APBB3: variants seen among roughly 807,000 people sequenced by gnomAD.
The protein encoded by APBB3 is amyloid-beta A4 precursor protein-binding family B member 3.
APBB3 carries 50 observed loss-of-function variants against 61.5 expected under a neutral mutation model. That is an observed-to-expected ratio of 0.81 (90% confidence interval 0.65 to 1.03). The LOEUF is 1.03. Among genes scored for constraint, APBB3 ranks in the 50% least tolerant of loss-of-function variants. The pLI is 0.00. For missense variants in APBB3, 550 were observed against 637.4 expected (o/e 0.86, Z 1.48); for synonymous variants, 235 against 233.0 (o/e 1.01, Z -0.08).
In APBB3 at chr5:140,560,239, G is replaced by A. The variant is rs566361060; in HGVS notation, c.1224+74C>T. On this transcript the variant is annotated intron_variant, in intron 12 of 12. Coordinates refer to ENST00000357560, the MANE Select transcript of APBB3 (RefSeq NM_133173.3). The surrounding 1 kb of genome is among the most constrained non-coding windows in gnomAD (Gnocchi z 5.1). ...GTTTGTGATCTCTGAAGAGGCTGCC[G>A]ACCCGGAGCCCAAGTAAACAGTGGA... The A allele has an allele frequency of 1.2e-5, 19 of 1,524,064 alleles. No homozygotes were observed. The Middle Eastern group carries it at 1.0e-3, about 84-fold the overall frequency. 94.4% of individuals were successfully genotyped at this position (1,524,064 alleles called of 1,614,324 possible).
In APBB3 at chr5:140,561,671, A is replaced by C. The variant is rs779728971; in HGVS notation, c.663T>G (p.Asp221Glu). The change falls in exon 8 of 13, where the codon GAT becomes GAG. Residue 221 changes from aspartate (D) to glutamate (E), a missense_variant. Around this residue, in one of 3 missense-constraint regions of APBB3, gnomAD observed 405 missense variants for 483.4 expected, o/e 0.84. Coordinates refer to ENST00000357560, the MANE Select transcript of APBB3 (RefSeq NM_133173.3). ...ACACATGGCACTTGAGCATACAGCT[A>C]TCTTTGTCACTTGCCACAAAAGCGA... ...RDFAFVASDK[D>E]SCMLKCHVFC... 1.2e-6 allele frequency: 2 copies of C among 1,614,224 alleles called. No homozygotes were observed. The highest frequency in any genetic ancestry group is 2.2e-5 in the South Asian group (2 of 91,092).
chr5:140,558,729 G>A lies in APBB3; in HGVS notation c.1317C>T (p.Ser439=). 1 of 1,608,378 alleles carries A rather than the reference G, an allele frequency of 6.2e-7. No individual in the cohort carries two copies. Residue 439 remains serine, a synonymous_variant, in exon 13 of 13, where the codon AGC becomes AGT. Coordinates refer to ENST00000357560, the MANE Select transcript of APBB3 (RefSeq NM_133173.3). ...ARARLRLKRT[S]SMDSPGGPLP... ...GGGGACCTCCTGGGGAATCCATGGA[G>A]CTGGTCCGCTTGAGCCGCAGGCGGG...
chr5:140,558,520 G>C lies in APBB3; in HGVS notation c.*65C>G. On this transcript the variant is annotated 3_prime_UTR_variant, in exon 13 of 13. Transcript: ENST00000357560. ...AGGAGTGACAGGCTATAGGCCTTGA[G>C]GAATAAAACGGTACAGAGTTAGGCA... 6.7e-7 allele frequency: 1 copy of C among 1,490,200 alleles called. No homozygotes were observed. 92.3% of individuals were successfully genotyped at this position (1,490,200 alleles called of 1,614,324 possible).
chr5:140,562,771 G>C, intron 3 of APBB3, 48 bp from the exon 4 acceptor site: 1 of 1,594,730 alleles, frequency 6.3e-7, no homozygotes, highest in Non-Finnish European at 8.6e-7. Context: ...CTACAGTAGG[G>C]ACACTGGTGA....
chr5:140,559,960 C>T (rs1360044260), intron 12 of APBB3, among the ~76,000 whole-genome samples: 1 of 152,250 alleles, frequency 6.6e-6, no homozygotes, highest in Non-Finnish European at 1.5e-5. Flanking sequence ...CAAATGCCCA[C>T]AGATGCCAGG....
At position 140,563,870 on chromosome 5, in the gene APBB3, G is replaced by A. The variant is rs772479006; in HGVS notation, c.95C>T (p.Pro32Leu). The change falls in exon 2 of 13, where the codon CCT becomes CTT. Residue 32 changes from proline (P) to leucine (L), a missense_variant. Physicochemically the swap from Pro to Leu is moderately conservative, Grantham distance 98. Coordinates refer to ENST00000357560, the MANE Select transcript of APBB3 (RefSeq NM_133173.3). Reference sequence around the variant, plus strand: ...ATCGTGGATCTTCCTCCAGCCAGGAGGCAGGCCAGCCTCCACCTCCAGACT... The same window carrying A: ...ATCGTGGATCTTCCTCCAGCCAGGAAGCAGGCCAGCCTCCACCTCCAGACT... ...DHSLEVEAGL[P>L]PGWRKIHDAA... 1.2e-6 allele frequency: 2 copies of A among 1,614,156 alleles called. No homozygotes were observed. The highest frequency in any genetic ancestry group is 1.7e-6 in the Non-Finnish European group (2 of 1,180,022).
At chr5:140,563,359 T>C in intron 3 of APBB3, 2 of 593,856 alleles carry the variant, frequency 3.4e-6, no homozygotes, top group Non-Finnish European at 3.0e-6. Context: ...GTCTAGAACA[T>C]GATAGGTTAG....
In APBB3 at chr5:140,562,649, G is replaced by A; in HGVS notation, c.351+14C>T. 6.2e-7 allele frequency: 1 copy of A among 1,614,058 alleles called. No individual in the cohort carries two copies. The highest frequency in any genetic ancestry group is 8.5e-7 in the Non-Finnish European group (1 of 1,179,956). On this transcript the variant is annotated intron_variant, in intron 4 of 12. Transcript: ENST00000357560. ...CCTTGGGACCTCCCAATGCCCTCAGGCCCAAGTCACTACCTTAGCCCCTGG... is the reference window on the plus strand; with the variant it reads ...CCTTGGGACCTCCCAATGCCCTCAGACCCAAGTCACTACCTTAGCCCCTGG...
chr5:140,558,781 C>CCTCGAG lies in APBB3; in HGVS notation c.1259_1264dup (p.Ala420_Arg421dup), dbSNP rs756002552. The CCTCGAG allele has an allele frequency of 5.0e-6, 8 of 1,610,396 alleles. No individual in the cohort carries two copies. The Admixed American group carries it at 1.2e-4, about 24-fold the overall frequency. On this transcript the variant is annotated inframe_insertion, in exon 13 of 13. Transcript: ENST00000357560. The stretch of plus-strand genomic sequence containing the variant: ...ACGGGCCTGGGCACCCCAGGCCTTG[C>CCTCGAG]CTCGAGCTGCAGAGGCCACAAGACA...
At chr5:140,562,592 C>T in intron 4 of APBB3, 71 bp downstream of exon 4, 2 of 1,610,512 alleles carry the variant, frequency 1.2e-6, no homozygotes, top group Non-Finnish European at 1.7e-6. Context: ...CCTTGATCAC[C>T]TCTGTTCAGT....
chr5:140,561,210 G>T, intron 9 of APBB3, 109 bp from the exon 10 acceptor site: 1 of 1,435,322 alleles, frequency 7.0e-7, no homozygotes, highest in Non-Finnish European at 9.8e-7. Context: ...AGAAGAAATG[G>T]CTCATAGATG....
chr5:140,562,645 T>G lies in APBB3; in HGVS notation c.351+18A>C, dbSNP rs761920886. ...TTTCCCTTGGGACCTCCCAATGCCCTCAGGCCCAAGTCACTACCTTAGCCC... is the reference window on the plus strand; with the variant it reads ...TTTCCCTTGGGACCTCCCAATGCCCGCAGGCCCAAGTCACTACCTTAGCCC... On this transcript the variant is annotated intron_variant, in intron 4 of 12. Transcript: ENST00000357560. 1 of 1,614,088 alleles carries G rather than the reference T, an allele frequency of 6.2e-7. No individual in the cohort carries two copies.
chr5:140,562,865 C>A (rs754179094), intron 3 of APBB3, 142 bp from the exon 4 acceptor site: 49 of 725,672 alleles, frequency 6.8e-5, no homozygotes, highest in Non-Finnish European at 1.0e-4. Flanking sequence ...CAGGGTAGAG[C>A]CCAGGACATA....
chr5:140,559,942 C>T (rs1055994629), intron 12 of APBB3, among the ~76,000 whole-genome samples: 1 of 152,192 alleles, frequency 6.6e-6, no homozygotes, highest in African/African-American at 2.4e-5. Context: ...GTATAAGCAA[C>T]CCACACTCAA....
Position 140,563,678 on chromosome 5 carries a change from G to A in APBB3, c.214-8C>T. The stretch of plus-strand genomic sequence containing the variant: ...CCAGATCCCCTCCGTTCCCTGTAGA[G>A]TGGGAGTTAGTCAGTTTAACAGCAG... On this transcript the variant is annotated splice_region_variant and splice_polypyrimidine_tract_variant and intron_variant, in intron 2 of 12. Transcript: ENST00000357560. The A allele has an allele frequency of 1.9e-6, 3 of 1,614,168 alleles. No individual in the cohort carries two copies. Among genetic ancestry groups the A allele is most frequent in the Non-Finnish European group, 2.5e-6 (3 of 1,180,022 alleles).
rs376071021 is a variant in APBB3 at position 140,560,972 on chromosome 5, C to G, written c.916+46G>C. 1.9e-6 allele frequency: 3 copies of G among 1,595,418 alleles called. No individual in the cohort carries two copies. The highest frequency in any genetic ancestry group is 2.6e-6 in the Non-Finnish European group (3 of 1,170,408). ...AACAGGCCTCACCTCACTCACCTTCCCCTTGCCTCACACAGCCCACCACAT... is the reference window on the plus strand; with the variant it reads ...AACAGGCCTCACCTCACTCACCTTCGCCTTGCCTCACACAGCCCACCACAT... On this transcript the variant is annotated intron_variant, in intron 10 of 12. Coordinates refer to ENST00000357560, the MANE Select transcript of APBB3 (RefSeq NM_133173.3). This position sits in a 1 kb window ranked among gnomAD's most constrained non-coding sequence, Gnocchi z 5.1.
chr5:140,561,494 A>T (rs753209227), intron 8 of APBB3, 45 bp from the exon 9 acceptor site: 17 of 1,613,870 alleles, frequency 1.1e-5, no homozygotes, highest in Non-Finnish European at 1.4e-5. Flanking sequence ...AGAGAGGGGA[A>T]TTAGGGTAAA....
Position 140,562,562 on chromosome 5 carries a change from T to C in APBB3, c.352-63A>G, listed in dbSNP as rs1755011745. On this transcript the variant is annotated intron_variant, in intron 4 of 12. Coordinates refer to ENST00000357560, the MANE Select transcript of APBB3 (RefSeq NM_133173.3). ...TGGAGTAGGGTGGCAGGTGCCACAA[T>C]ACATACTCCCTGTCTTCACCCTTGA... The C allele has an allele frequency of 3.7e-6, 6 of 1,609,032 alleles. No homozygotes were observed. The South Asian group carries it at 6.6e-5, about 18-fold the overall frequency.
chr5:140,563,719 T>G, intron 2 of APBB3, 33 bp downstream of exon 2: 1 of 1,614,012 alleles, frequency 6.2e-7, no homozygotes, highest in Non-Finnish European at 8.5e-7. Flanking sequence ...GGTCCACACA[T>G]GGGCTCAGAC....
Sources: gnomAD v4.1 joint callset for allele counts (sites outside exome capture counted in the v4.1 genomes callset) on GRCh38, gnomAD v4.1.1 for gene constraint, gnomAD v4.1.1 regional missense constraint, Gnocchi (gnomAD v3.1) non-coding constraint, MANE v1.5 for transcripts, NCBI Gene and HGNC (gene_info 2026-07-23, HGNC 2026-07-21) for gene names.